Variants in PLEKHG4B observed in about 807,000 individuals in gnomAD.
PLEKHG4B encodes pleckstrin homology and RhoGEF domain containing G4B.
PLEKHG4B carries 111 observed loss-of-function variants against 121.3 expected under a neutral mutation model. The ratio of observed to expected loss-of-function variants is 0.92; its 90% CI spans 0.78 to 1.07. The LOEUF (loss-of-function observed/expected upper bound fraction) is 1.07, where lower values mean the gene tolerates loss of function less well. Among genes scored for constraint, PLEKHG4B ranks in the 50% least tolerant of loss-of-function variants. The pLI is 0.00. For missense variants in PLEKHG4B, 1,831 were observed against 1,757.8 expected, an observed-to-expected ratio of 1.04 and a Z score of -0.74; for synonymous variants, 738 against 725.0, an observed-to-expected ratio of 1.02 and a Z score of -0.29.
chr5:118,819 G>C lies in PLEKHG4B; in HGVS notation c.243+5371G>C, dbSNP rs189672059. ...TATATTATATATATATATGATTAGA[G>C]GATATTGGAGAGCCCACATTCTTCT... is the stretch of plus-strand genomic sequence containing the variant. On this transcript the variant is annotated intron_variant, in intron 2 of 19. Transcript: ENST00000637938. Among the ~76,000 whole-genome samples the C allele has an allele frequency of 2.6e-3, 387 of 149,428 alleles. 1 individual carries two copies. Among genetic ancestry groups the C allele is most frequent in the African/African-American group, 8.7e-3 (352 of 40,630 alleles).
chr5:181,756 G>T, intron 19 of PLEKHG4B, 81 bp downstream of exon 19: 1 of 1,529,766 alleles, frequency 6.5e-7, no homozygotes, highest in Non-Finnish European at 8.8e-7. Context: ...CGGTGGCATC[G>T]GCCCCACCCT....
chr5:163,984 T>G (rs1362074917), intron 13 of PLEKHG4B, among the ~76,000 whole-genome samples: 2 of 152,234 alleles, frequency 1.3e-5, no homozygotes, highest in Non-Finnish European at 2.9e-5. Flanking sequence ...CCTTCTCACT[T>G]GTCGAGCCTG....
At chr5:143,568 AG>A in intron 5 of PLEKHG4B, 65 bp downstream of exon 5, 1 of 1,584,282 alleles carries the variant, frequency 6.3e-7, no homozygotes, top group Non-Finnish European at 8.6e-7. Context: ...TGTGTGGCAA[AG>A]TGGGGGGCAC....
intron 2 of PLEKHG4B, among the ~76,000 whole-genome samples, chr5:130,650 C>T (rs1190849428): frequency 6.6e-6 from 1 of 152,212 alleles, no homozygotes; most frequent in East Asian, 1.9e-4. Context: ...TGAGCTGCAG[C>T]ACTTAAACAG....
intron 2 of PLEKHG4B, among the ~76,000 whole-genome samples, chr5:127,792 C>A (rs1056612531): frequency 1.3e-5 from 2 of 152,168 alleles, no homozygotes; most frequent in African/African-American, 2.4e-5. Context: ...GTGACTATGG[C>A]CCCTGATACA....
At chr5:172,452 G>A (rs1331778044) in intron 16 of PLEKHG4B, among the ~76,000 whole-genome samples, 1 of 152,250 alleles carries the variant, frequency 6.6e-6, no homozygotes, top group Non-Finnish European at 1.5e-5. Context: ...GCTATTTAGT[G>A]AGGGGGACTC....
Position 171,426 on chromosome 5 carries a change from C to T in PLEKHG4B, c.4032C>T (p.Asp1344=), listed in dbSNP as rs371080745. ...LRHGNDLLAM[D]AIRGCDVNLK... ...ACGGCAATGACCTGCTGGCCATGGA[C>T]GCCATCCGCGGCTGTGACGTAAGTG... is the stretch of plus-strand genomic sequence containing the variant. Residue 1344 remains aspartate (D), a synonymous_variant, in exon 16 of 20, where the codon GAC becomes GAT. Transcript: ENST00000637938. 4.1e-5 allele frequency: 66 copies of T among 1,599,288 alleles called. No homozygotes were observed. In the African/African-American group the frequency reaches 6.9e-4, roughly 17 times the overall value.
rs1733524028 is a variant in PLEKHG4B at position 183,991 on chromosome 5, CGATAGATAGATAGAT to C, written c.*1669_*1683del. On this transcript the variant is annotated 3_prime_UTR_variant, in exon 20 of 20. Coordinates refer to ENST00000637938, the MANE Select transcript of PLEKHG4B (RefSeq NM_052909.5). ...CAGACAGATAGATAGATAGATAGAT[CGATAGATAGATAGAT>C]AGATAGATAGATAGATAGATAGACT... The C allele has an allele frequency of 2.9e-5, 3 of 104,614 alleles. No individual in the cohort carries two copies. Among genetic ancestry groups the C allele is most frequent in the African/African-American group, 8.8e-5 (3 of 34,128 alleles). 6.5% of individuals were successfully genotyped at this position (104,614 alleles called of 1,614,324 possible).
At chr5:167,051 C>T (rs982566333) in intron 13 of PLEKHG4B, among the ~76,000 whole-genome samples, 1 of 152,172 alleles carries the variant, frequency 6.6e-6, no homozygotes, top group African/African-American at 2.4e-5. Flanking sequence ...GAAGGGGGGA[C>T]TCCTGCCGAC....
intron 2 of PLEKHG4B, among the ~76,000 whole-genome samples, chr5:115,436 C>A (rs1160543515): frequency 6.6e-6 from 1 of 152,220 alleles, no homozygotes; most frequent in Non-Finnish European, 1.5e-5. Context: ...GCATCAGCTT[C>A]AACTGAAAGT....
chr5:143,105 C>T lies in PLEKHG4B; in HGVS notation c.1536C>T (p.Asn512=), dbSNP rs1421900770. ...ACGGCGGCAGCCTCCATTGCCACAA[C>T]CCCAGCGGGCCTTCCGATGTGCCTG... ...STDGGSLHCH[N]PSGPSDVPAR... Residue 512 remains asparagine, a synonymous_variant, in exon 4 of 20, where the codon AAC becomes AAT. Coordinates refer to ENST00000637938, the MANE Select transcript of PLEKHG4B (RefSeq NM_052909.5). 2 of 1,613,008 alleles carry T rather than the reference C, an allele frequency of 1.2e-6. No individual in the cohort carries two copies. Among genetic ancestry groups the T allele is most frequent in the South Asian group, 1.1e-5 (1 of 91,080 alleles).
intron 2 of PLEKHG4B, among the ~76,000 whole-genome samples, chr5:119,541 C>A (rs1420948999): frequency 6.6e-6 from 1 of 152,094 alleles, no homozygotes; most frequent in East Asian, 1.9e-4. Context: ...AACATGAAGA[C>A]CTTTACCACC....
At position 162,919 on chromosome 5, in the gene PLEKHG4B, G is replaced by T; in HGVS notation, c.2847G>T (p.Gln949His). Residue 949 changes from glutamine to histidine, a missense_variant, in exon 13 of 20, where the codon CAG becomes CAT. By Grantham distance (24) the Gln-to-His change is conservative (BLOSUM62 0). Coordinates refer to ENST00000637938, the MANE Select transcript of PLEKHG4B (RefSeq NM_052909.5). Reference protein sequence around the residue: ...SQQDLWLQYPQTRLRLEEALS... With the variant: ...SQQDLWLQYPHTRLRLEEALS... ...AAGACCTGTGGCTGCAGTACCCCCA[G>T]ACCCGGCTCCGTCTGGAAGAGGCCC... is the stretch of plus-strand genomic sequence containing the variant. 1 of 1,544,462 alleles carries T rather than the reference G, an allele frequency of 6.5e-7. No homozygotes were observed. Among genetic ancestry groups the T allele is most frequent in the Non-Finnish European group, 8.7e-7 (1 of 1,145,000 alleles).
intron 6 of PLEKHG4B, among the ~76,000 whole-genome samples, chr5:150,984 C>G (rs1735586271): frequency 6.6e-6 from 1 of 152,198 alleles, no homozygotes; most frequent in African/African-American, 2.4e-5. Context: ...GTGAGGCATA[C>G]CGTGGAATAC....
chr5:126,070 G>A (rs1221928128), intron 2 of PLEKHG4B, among the ~76,000 whole-genome samples: 1 of 152,144 alleles, frequency 6.6e-6, no homozygotes, highest in African/African-American at 2.4e-5. Flanking sequence ...ATGTGTTTTG[G>A]TGTGGGTCTC....
At chr5:140,762 C>T (rs770778448) in intron 3 of PLEKHG4B, 46 bp downstream of exon 3, 1 of 1,461,734 alleles carries the variant, frequency 6.8e-7, no homozygotes, top group Admixed American at 2.4e-5. Flanking sequence ...ACAACCTCCC[C>T]TACACATCCC....
At chr5:129,343 A>AC (rs1297323165) in intron 2 of PLEKHG4B, among the ~76,000 whole-genome samples, 1 of 152,216 alleles carries the variant, frequency 6.6e-6, no homozygotes, top group African/African-American at 2.4e-5. Context: ...CTTTCTGCTG[A>AC]CGTCAGTTCT....
At chr5:115,310 A>C (rs1734272917) in intron 2 of PLEKHG4B, among the ~76,000 whole-genome samples, 1 of 152,142 alleles carries the variant, frequency 6.6e-6, no homozygotes, top group Admixed American at 6.5e-5. Context: ...TATCGAGTAA[A>C]CCATGCTGTA....
intron 2 of PLEKHG4B, among the ~76,000 whole-genome samples, chr5:125,966 C>T (rs756048210): frequency 2.6e-5 from 4 of 152,076 alleles, no homozygotes; most frequent in South Asian, 2.1e-4. Context: ...CAAAATATGC[C>T]GACAATCTTA....
Sources: allele counts gnomAD v4.1 joint callset (sites outside exome capture counted in the v4.1 genomes callset), GRCh38; gene constraint gnomAD v4.1.1; transcripts MANE v1.5; gene names NCBI Gene and HGNC (gene_info 2026-07-23, HGNC 2026-07-21).